ARHGEF11: variants seen among roughly 807,000 people sequenced by gnomAD.
ARHGEF11 encodes the protein Rho guanine exchange factor (GEF) 11.
ARHGEF11 carries 55 observed loss-of-function variants against 193.7 expected under a neutral mutation model. The ratio of observed to expected loss-of-function variants is 0.28; its 90% CI spans 0.23 to 0.36. ARHGEF11 has a LOEUF of 0.36. Among genes scored for constraint, ARHGEF11 ranks in the 10% least tolerant of loss-of-function variants. ARHGEF11 has a pLI of 1.00. For missense variants in ARHGEF11, 1,723 were observed against 2,005.6 expected (o/e 0.86, Z 2.69); for synonymous variants, 693 against 768.0 (o/e 0.90, Z 1.62).
Position 156,986,180 on chromosome 1 carries a change from A to G in ARHGEF11, c.33-7T>C. ...AGAAGACAGGCTACTTAACCTGGAG[A>G]AGGAGTAAGGAAAGCATGTCAATGA... On this transcript the variant is annotated splice_polypyrimidine_tract_variant and splice_region_variant and intron_variant, in intron 1 of 40. Coordinates refer to ENST00000368194, the MANE Select transcript of ARHGEF11 (RefSeq NM_198236.3). 2 of 1,611,328 alleles carry G rather than the reference A, an allele frequency of 1.2e-6. No individual in the cohort carries two copies. The highest frequency in any genetic ancestry group is 1.7e-6 in the Non-Finnish European group (2 of 1,177,782).
rs1425681148 is a variant in ARHGEF11, at chr1:156,936,912, C to G, written c.4534G>C (p.Ala1512Pro). The G allele has an allele frequency of 6.2e-7, 1 of 1,614,150 alleles. No homozygotes were observed. The highest frequency in any genetic ancestry group is 1.7e-5 in the Admixed American group (1 of 60,020). The stretch of plus-strand genomic sequence containing the variant: ...GAGAGGGAGCCATCTGTCCATCTAG[C>G]TGCTTCTGTGTGGAAACTGCCCACA... ...TPVGSFHTEA[A>P]RWTDGSLSPP... Residue 1512 changes from alanine to proline, a missense_variant, in exon 40 of 41, where the codon GCT becomes CCT. This residue lies in a region of ARHGEF11 where 360 missense variants were observed against 344.4 expected (regional missense o/e 1.05). Coordinates refer to ENST00000368194, the MANE Select transcript of ARHGEF11 (RefSeq NM_198236.3).
Position 156,948,159 on chromosome 1 carries a change from C to G in ARHGEF11, c.2153+22G>C. On this transcript the variant is annotated intron_variant, in intron 24 of 40. Coordinates refer to ENST00000368194, the MANE Select transcript of ARHGEF11 (RefSeq NM_198236.3). The surrounding 1 kb of genome is among the most constrained non-coding windows in gnomAD (Gnocchi z 4.2). The stretch of plus-strand genomic sequence containing the variant: ...GGGACACAGAGACACCAAACAGAGG[C>G]ACCACCGTGCCCATCACTTACCTGC... The G allele has an allele frequency of 6.5e-7, 1 of 1,546,392 alleles. No individual in the cohort carries two copies. Among genetic ancestry groups the G allele is most frequent in the Non-Finnish European group, 8.7e-7 (1 of 1,144,768 alleles).
chr1:156,950,434 G>A (rs965720407), intron 22 of ARHGEF11, among the ~76,000 whole-genome samples: 1 of 151,870 alleles, frequency 6.6e-6, no homozygotes, highest in Admixed American at 6.6e-5. Context: ...TTGGGAGTTC[G>A]AGACCAAGCT....
intron 35 of ARHGEF11, among the ~76,000 whole-genome samples, chr1:156,940,702 T>A (rs112544592): frequency 6.6e-6 from 1 of 152,260 alleles, no homozygotes; most frequent in South Asian, 2.1e-4. Flanking sequence ...AGGCAGTAAC[T>A]TCCACCGGAA....
chr1:156,948,528 C>A lies in ARHGEF11; in HGVS notation c.1926-30G>T, dbSNP rs762187009. On this transcript the variant is annotated intron_variant, in intron 22 of 40. Transcript: ENST00000368194. The surrounding 1 kb of genome is among the most constrained non-coding windows in gnomAD (Gnocchi z 4.2). ...GGGGAAGGGACAAAAGACTTTGGGACTTGGGAAGTCAGTGGGCCATGCTTA... is the reference window on the plus strand; with the variant it reads ...GGGGAAGGGACAAAAGACTTTGGGAATTGGGAAGTCAGTGGGCCATGCTTA... 3.1e-6 allele frequency: 5 copies of A among 1,614,146 alleles called. No homozygotes were observed. Among genetic ancestry groups the A allele is most frequent in the Admixed American group, 3.3e-5 (2 of 60,026 alleles).
chr1:156,946,596 A>G (rs542982138), intron 28 of ARHGEF11, 66 bp downstream of exon 28: 1 of 1,607,456 alleles, frequency 6.2e-7, no homozygotes, highest in Admixed American at 1.7e-5. Context: ...GAAGGAGAGA[A>G]GTTCAGGAGA....
chr1:156,938,836 C>T, intron 37 of ARHGEF11: 1 of 348,032 alleles, frequency 2.9e-6, no homozygotes, highest in Non-Finnish European at 5.2e-6. Context: ...AGCGTGGAAC[C>T]CCATCCCATG....
At chr1:156,980,373 C>T in intron 4 of ARHGEF11, 64 bp downstream of exon 4, 1 of 1,557,606 alleles carries the variant, frequency 6.4e-7, no homozygotes, top group Non-Finnish European at 8.7e-7. Context: ...TGGGCCAAGG[C>T]CAGGAGTGCC....
At chr1:156,964,390 A>G (rs764283773) in intron 11 of ARHGEF11, among the ~76,000 whole-genome samples, 31 of 152,216 alleles carry the variant, frequency 2.0e-4, no homozygotes, top group Admixed American at 9.8e-4. Context: ...TTTTCTACTA[A>G]CTGTATTTCT....
Position 157,045,605 on chromosome 1 carries a change from G to A in ARHGEF11, c.-1275C>T. 6.6e-6 allele frequency among the ~76,000 whole-genome samples: 1 copy of A among 151,440 alleles called. No homozygotes were observed. Among genetic ancestry groups the A allele is most frequent in the Non-Finnish European group, 1.5e-5 (1 of 67,770 alleles). On this transcript the variant is annotated 5_prime_UTR_variant, in exon 1 of 41. Transcript: ENST00000368194. ...AGTGCCTCGCGCAGGACGCCCGGCCGGGCCTCGGGCTCCCGGCGCCGCTCG... is the reference window on the plus strand; with the variant it reads ...AGTGCCTCGCGCAGGACGCCCGGCCAGGCCTCGGGCTCCCGGCGCCGCTCG...
At chr1:156,996,223 C>T (rs563841742) in intron 1 of ARHGEF11, among the ~76,000 whole-genome samples, 125 of 152,138 alleles carry the variant, frequency 8.2e-4, no homozygotes, top group Non-Finnish European at 1.6e-3. Context: ...CAGATTGCTA[C>T]AACTGAATTC....
chr1:156,982,868 A>G (rs1360363371), intron 3 of ARHGEF11, among the ~76,000 whole-genome samples: 2 of 152,196 alleles, frequency 1.3e-5, no homozygotes, highest in Non-Finnish European at 2.9e-5. Context: ...GATATGCAAA[A>G]CAAACCTCCC....
intron 1 of ARHGEF11, among the ~76,000 whole-genome samples, chr1:157,041,560 A>G (rs1672753285): frequency 6.6e-6 from 1 of 152,206 alleles, no homozygotes; most frequent in Admixed American, 6.5e-5. Context: ...GAAAATACAC[A>G]TTACCTAGGA....
chr1:156,954,723 G>A (rs574961308), intron 21 of ARHGEF11, among the ~76,000 whole-genome samples, 169 bp downstream of exon 21: 1 of 152,344 alleles, frequency 6.6e-6, no homozygotes, highest in East Asian at 1.9e-4. Context: ...GCAGCACACA[G>A]CAGCTTTAGC....
chr1:156,983,743 T>G (rs1664535548), intron 3 of ARHGEF11, among the ~76,000 whole-genome samples: 1 of 152,248 alleles, frequency 6.6e-6, no homozygotes, highest in Non-Finnish European at 1.5e-5. Flanking sequence ...TCTAAAATCC[T>G]GTTTCTTTTA....
chr1:157,010,488 C>A lies in ARHGEF11; in HGVS notation c.33-24315G>T, dbSNP rs141957833. ...CCAGGCTGTAGTGCAGTTGTGTGAT[C>A]GTAGCCCACTACAGCTTCAAACTCC... On this transcript the variant is annotated intron_variant, in intron 1 of 40. Transcript: ENST00000368194. Among the ~76,000 whole-genome samples, 678 of 152,242 alleles carry A rather than the reference C, an allele frequency of 4.5e-3. 3 individuals carry two copies. Among genetic ancestry groups the A allele is most frequent in the African/African-American group, 0.015 (626 of 41,542 alleles).
rs1483811907 is a variant in ARHGEF11 at position 156,940,439 on chromosome 1, G to A, written c.3515-14C>T. 2 of 1,590,112 alleles carry A rather than the reference G, an allele frequency of 1.3e-6. No homozygotes were observed. The highest frequency in any genetic ancestry group is 1.7e-5 in the Admixed American group (1 of 58,874). ...GGGACCCAGTGCCTGTTTCGGATGA[G>A]AGAAGATTGTAAGGCAGGGAAAGGG... On this transcript the variant is annotated splice_polypyrimidine_tract_variant and intron_variant, in intron 35 of 40. Coordinates refer to ENST00000368194, the MANE Select transcript of ARHGEF11 (RefSeq NM_198236.3).
intron 13 of ARHGEF11, 55 bp from the exon 14 acceptor site, chr1:156,961,830 G>A (rs1355236652): frequency 6.6e-7 from 1 of 1,519,900 alleles, no homozygotes; most frequent in Non-Finnish European, 9.1e-7. Flanking sequence ...CAGTGATTTT[G>A]CCCCCTAGGG....
At chr1:156,947,527 G>T in intron 25 of ARHGEF11, 77 bp from the exon 26 acceptor site, 1 of 1,458,318 alleles carries the variant, frequency 6.9e-7, no homozygotes, top group Non-Finnish European at 9.1e-7. Context: ...TCCCTGACCT[G>T]GTTCCCACAC....
Sources: gnomAD v4.1 joint callset for allele counts (sites outside exome capture counted in the v4.1 genomes callset) on GRCh38, gnomAD v4.1.1 for gene constraint, gnomAD v4.1.1 regional missense constraint, Gnocchi (gnomAD v3.1) non-coding constraint, MANE v1.5 for transcripts, NCBI Gene and HGNC (gene_info 2026-07-23, HGNC 2026-07-21) for gene names.